TRIO: variants seen among roughly 807,000 people sequenced by gnomAD.
TRIO encodes the protein triple functional domain protein.
TRIO carries 58 observed loss-of-function variants against 351.9 expected under a neutral mutation model. The observed-to-expected ratio is 0.16, with a 90% confidence interval of 0.13 to 0.21. The LOEUF (loss-of-function observed/expected upper bound fraction) is 0.21, where lower values mean the gene tolerates loss of function less well. Ranked by LOEUF, TRIO falls within the 10% of genes least tolerant of loss-of-function variation. The pLI is 1.00. For missense variants in TRIO, 3,201 were observed against 4,027.8 expected (o/e 0.79, Z 5.56); for synonymous variants, 1,758 against 1,595.7 (o/e 1.10, Z -2.42).
chr5:14,297,750 C>T (rs1244714263), intron 7 of TRIO, among the ~76,000 whole-genome samples: 3 of 152,266 alleles, frequency 2.0e-5, no homozygotes, highest in Non-Finnish European at 2.9e-5. Context: ...AGTTCTAAGG[C>T]GAAGGCACCT....
rs1480509668 is a variant in TRIO, at chr5:14,508,653, C to T, written c.*231C>T. 16 of 467,624 alleles carry T rather than the reference C, an allele frequency of 3.4e-5. No homozygotes were observed. Among genetic ancestry groups the T allele is most frequent in the Non-Finnish European group, 5.2e-5 (14 of 268,196 alleles). The allele number at this position is 467,624 out of a possible 1,614,324, so 29.0% of individuals were successfully genotyped here. On this transcript the variant is annotated 3_prime_UTR_variant, in exon 57 of 57. Transcript: ENST00000344204. Reference sequence around the variant, plus strand: ...CAAGGCAGAGGTCGCATTGCTGTATCACAGTATTTTATTCAGGTTTCTGCA... The same window carrying T: ...CAAGGCAGAGGTCGCATTGCTGTATTACAGTATTTTATTCAGGTTTCTGCA...
Position 14,507,221 on chromosome 5 carries a change from G to A in TRIO, c.8712G>A (p.Arg2904=), listed in dbSNP as rs373869398. 1.1e-5 allele frequency: 17 copies of A among 1,611,656 alleles called. No individual in the cohort carries two copies. Among genetic ancestry groups the A allele is most frequent in the African/African-American group, 2.7e-5 (2 of 74,844 alleles). The change falls in exon 56 of 57, where the codon CGG becomes CGA. Residue 2904 remains arginine, a synonymous_variant. Coordinates refer to ENST00000344204, the MANE Select transcript of TRIO (RefSeq NM_007118.4). ...TGGGGGAGGTTCTGGAAGCTGTCCG[G>A]TACCTGCACAACTGCAGGATAGCAC... ...AHLGEVLEAV[R]YLHNCRIAHL...
chr5:14,379,649 G>C (rs1745889591), intron 20 of TRIO, among the ~76,000 whole-genome samples: 1 of 152,200 alleles, frequency 6.6e-6, no homozygotes, highest in South Asian at 2.1e-4. Flanking sequence ...ATGGTTTCAG[G>C]TTCTTTTCTC....
chr5:14,287,181 T>C (rs1736515978), intron 4 of TRIO, 118 bp downstream of exon 4: 2 of 950,020 alleles, frequency 2.1e-6, no homozygotes, highest in Admixed American at 5.2e-5. Flanking sequence ...CTGCATATCT[T>C]ACGAACATGT....
chr5:14,400,965 C>T lies in TRIO; in HGVS notation c.4617C>T (p.Thr1539=). ...SKYLYKSKLF[T]SELGVTEHVE... is the part of the protein sequence containing the mutation. Reference sequence around the variant, plus strand: ...TATATAATTGTCTTTTTATCCAGACCTCAGAGTTGGGTGTCACAGAACATG... The same window carrying T: ...TATATAATTGTCTTTTTATCCAGACTTCAGAGTTGGGTGTCACAGAACATG... The change falls in exon 31 of 57, where the codon ACC becomes ACT. Residue 1539 remains threonine (T), a splice_region_variant and synonymous_variant. Coordinates refer to ENST00000344204, the MANE Select transcript of TRIO (RefSeq NM_007118.4). The T allele has an allele frequency of 6.2e-7, 1 of 1,613,730 alleles. No homozygotes were observed. Among genetic ancestry groups the T allele is most frequent in the Non-Finnish European group, 8.5e-7 (1 of 1,179,844 alleles).
intron 36 of TRIO, among the ~76,000 whole-genome samples, chr5:14,463,674 C>CT (rs758172986): frequency 0.073 from 10,049 of 137,086 alleles, 627 homozygotes; most frequent in African/African-American, 0.18. Context: ...ACTGGTGATG[C>CT]TTTTTTTTTT....
intron 36 of TRIO, among the ~76,000 whole-genome samples, chr5:14,463,181 T>G (rs1753962287): frequency 6.6e-6 from 1 of 152,234 alleles, no homozygotes; most frequent in East Asian, 1.9e-4. Context: ...TAATGATGCT[T>G]CAGTAATTGC....
intron 46 of TRIO, among the ~76,000 whole-genome samples, chr5:14,483,869 C>T (rs745550276): frequency 1.3e-5 from 2 of 152,116 alleles, no homozygotes; most frequent in Admixed American, 6.6e-5. Flanking sequence ...CTGAACTGTG[C>T]GCCCATCCCC....
At chr5:14,320,543 G>C (rs1739790141) in intron 9 of TRIO, among the ~76,000 whole-genome samples, 1 of 152,120 alleles carries the variant, frequency 6.6e-6, no homozygotes, top group African/African-American at 2.4e-5. Context: ...CCCCTTGCAA[G>C]TGTCTCTTGG....
chr5:14,218,450 A>G (rs137980337), intron 1 of TRIO, among the ~76,000 whole-genome samples: 2 of 152,364 alleles, frequency 1.3e-5, no homozygotes, highest in African/African-American at 4.8e-5. Flanking sequence ...ATTAGCATCT[A>G]AGGACCTGAG....
Position 14,250,023 on chromosome 5 carries a change from A to G in TRIO, c.158-20802A>G, listed in dbSNP as rs142767206. Among the ~76,000 whole-genome samples, 47 of 152,378 alleles carry G rather than the reference A, an allele frequency of 3.1e-4. 1 individual carries two copies. In the East Asian group the frequency reaches 8.9e-3, roughly 29 times the overall value. ...GGGAAATGACAAATAAGAATTTGTTAGAGAAGTCCAGGCTGCTTGATTGTC... is the reference window on the plus strand; with the variant it reads ...GGGAAATGACAAATAAGAATTTGTTGGAGAAGTCCAGGCTGCTTGATTGTC... On this transcript the variant is annotated intron_variant, in intron 1 of 56. Transcript: ENST00000344204.
rs900389650 is a variant in TRIO at position 14,478,212 on chromosome 5, C to T, written c.6154-1049C>T. On this transcript the variant is annotated intron_variant, in intron 41 of 56. Transcript: ENST00000344204. ...CATCTTGTCACAAGAATGTTAAAAA[C>T]GTGTATACTCCCTGGTTGAGTTTTA... Among the ~76,000 whole-genome samples, 16 of 152,276 alleles carry T rather than the reference C, an allele frequency of 1.1e-4. 1 individual carries two copies. Among genetic ancestry groups the T allele is most frequent in the Admixed American group, 6.5e-4 (10 of 15,300 alleles).
At chr5:14,304,809 C>T (rs560783610) in intron 8 of TRIO, among the ~76,000 whole-genome samples, 4 of 152,168 alleles carry the variant, frequency 2.6e-5, no homozygotes, top group East Asian at 1.9e-4. Context: ...GTAGCCTTTC[C>T]GATAGAGCGC....
At chr5:14,378,265 T>C (rs1218676222) in intron 20 of TRIO, 138 bp downstream of exon 20, 7 of 604,826 alleles carry the variant, frequency 1.2e-5, no homozygotes, top group African/African-American at 1.8e-5. Flanking sequence ...CTAGTTAAGT[T>C]TGTTATAAAA....
intron 49 of TRIO, 150 bp from the exon 50 acceptor site, chr5:14,496,729 T>G (rs1756918749): frequency 9.9e-7 from 1 of 1,009,514 alleles, no homozygotes; most frequent in Non-Finnish European, 1.4e-6. Flanking sequence ...AAAAGGAACA[T>G]TTTCTCTAAC....
At chr5:14,319,369 A>G (rs1168793785) in intron 9 of TRIO, among the ~76,000 whole-genome samples, 2 of 152,346 alleles carry the variant, frequency 1.3e-5, no homozygotes, top group East Asian at 1.9e-4. Context: ...TAATTAAAGT[A>G]AATACTGTGA....
At chr5:14,321,159 A>G (rs1217320518) in intron 9 of TRIO, among the ~76,000 whole-genome samples, 1 of 152,256 alleles carries the variant, frequency 6.6e-6, no homozygotes, top group African/African-American at 2.4e-5. Context: ...TCTTCGTGGA[A>G]GAGGTAGAGT....
chr5:14,464,402 G>A (rs530945504), intron 36 of TRIO, among the ~76,000 whole-genome samples: 1 of 152,242 alleles, frequency 6.6e-6, no homozygotes, highest in South Asian at 2.1e-4. Flanking sequence ...ATCAGTAGCA[G>A]TTCTTCATTT....
At chr5:14,258,573 CAG>C (rs1215569997) in intron 1 of TRIO, among the ~76,000 whole-genome samples, 2 of 152,174 alleles carry the variant, frequency 1.3e-5, no homozygotes, top group Non-Finnish European at 2.9e-5. Context: ...TTCAGCTTTG[CAG>C]AGTCTTTTAG....
Sources: gnomAD v4.1 joint callset for allele counts (sites outside exome capture counted in the v4.1 genomes callset) on GRCh38, gnomAD v4.1.1 for gene constraint, MANE v1.5 for transcripts, NCBI Gene and HGNC (gene_info 2026-07-23, HGNC 2026-07-21) for gene names.